Variants in KIF6 observed in about 807,000 individuals in gnomAD.
KIF6 encodes kinesin-like protein KIF6.
KIF6 carries 106 observed loss-of-function variants against 112.7 expected under a neutral mutation model. The ratio of observed to expected loss-of-function variants is 0.94; its 90% CI spans 0.80 to 1.11. The LOEUF (loss-of-function observed/expected upper bound fraction) is 1.11, where lower values mean the gene tolerates loss of function less well. Ranked by LOEUF, KIF6 falls within the 50% of genes least tolerant of loss-of-function variation. KIF6 has a pLI of 0.00. For missense variants in KIF6, 929 were observed against 964.0 expected (o/e 0.96, Z 0.48); for synonymous variants, 339 against 339.9 (o/e 1.00, Z 0.03).
intron 10 of KIF6, among the ~76,000 whole-genome samples, chr6:39,546,608 T>C (rs1779080517): frequency 6.6e-6 from 1 of 152,110 alleles, no homozygotes; most frequent in Non-Finnish European, 1.5e-5. Context: ...GGCGGATCAC[T>C]TGAGGTCAGG....
intron 8 of KIF6, 97 bp from the exon 9 acceptor site, chr6:39,585,081 C>T: frequency 1.4e-6 from 1 of 732,008 alleles, no homozygotes; most frequent in Non-Finnish European, 2.4e-6. Context: ...AAGATACACA[C>T]CTAAAAAGTG....
At chr6:39,443,525 C>T (rs191911878) in intron 13 of KIF6, among the ~76,000 whole-genome samples, 75 of 152,174 alleles carry the variant, frequency 4.9e-4, no homozygotes, top group Non-Finnish European at 9.4e-4. Flanking sequence ...CTCACTGCAA[C>T]CTTTGCTTCC....
intron 10 of KIF6, among the ~76,000 whole-genome samples, chr6:39,569,999 C>T (rs978605034): frequency 2.6e-5 from 4 of 152,166 alleles, no homozygotes; most frequent in Non-Finnish European, 5.9e-5. Context: ...AAGACTCTTC[C>T]TTTAGGCATA....
chr6:39,585,328 T>G (rs189642109), intron 8 of KIF6, among the ~76,000 whole-genome samples: 1 of 152,108 alleles, frequency 6.6e-6, no homozygotes, highest in Non-Finnish European at 1.5e-5. Flanking sequence ...CAGTTCACAA[T>G]TGGGTTCACG....
chr6:39,336,602 T>C (rs1246139088), intron 22 of KIF6, 54 bp from the exon 23 acceptor site: 1 of 1,578,120 alleles, frequency 6.3e-7, no homozygotes, highest in Non-Finnish European at 8.7e-7. Flanking sequence ...ACACTGACTT[T>C]TCCCAGGATT....
In KIF6 at chr6:39,586,449, T is replaced by C. The variant is rs755501848; in HGVS notation, c.847-45A>G. ...TAATGGGATTAATTTAGCAAGAAAA[T>C]GCACTCCTGACAAACAACAGAGCTT... On this transcript the variant is annotated intron_variant, in intron 7 of 22. Coordinates refer to ENST00000287152, the MANE Select transcript of KIF6 (RefSeq NM_145027.6). The C allele has an allele frequency of 2.0e-6, 3 of 1,525,098 alleles. No homozygotes were observed. The African/African-American group carries it at 4.1e-5, about 21-fold the overall frequency. The allele number at this position is 1,525,098 out of a possible 1,614,324, so 94.5% of individuals were successfully genotyped here.
intron 7 of KIF6, 56 bp downstream of exon 7, chr6:39,595,998 T>C: frequency 7.5e-7 from 1 of 1,334,884 alleles, no homozygotes; most frequent in Non-Finnish European, 1.1e-6. Flanking sequence ...ATACATAGTA[T>C]GTGGTCAACA....
intron 7 of KIF6, among the ~76,000 whole-genome samples, chr6:39,592,442 G>A (rs1372263671): frequency 6.6e-6 from 1 of 152,160 alleles, no homozygotes; most frequent in African/African-American, 2.4e-5. Flanking sequence ...AACACATTCA[G>A]TTGGAAACTA....
intron 5 of KIF6, chr6:39,620,236 C>T (rs970062043): frequency 6.6e-6 from 1 of 152,194 alleles, no homozygotes; most frequent in Non-Finnish European, 1.5e-5. Context: ...AGTAATTATA[C>T]AGCCGTGCAC....
intron 13 of KIF6, among the ~76,000 whole-genome samples, chr6:39,518,391 G>T (rs936988884): frequency 6.6e-6 from 1 of 152,216 alleles, no homozygotes; most frequent in Non-Finnish European, 1.5e-5. Context: ...TCTGAGTTAA[G>T]TGATGAGAAC....
At chr6:39,526,808 T>C (rs1037622646) in intron 13 of KIF6, among the ~76,000 whole-genome samples, 1 of 152,256 alleles carries the variant, frequency 6.6e-6, no homozygotes, top group East Asian at 1.9e-4. Context: ...TTACTGATTG[T>C]TTCTTTAATT....
At chr6:39,596,541 T>C (rs148509013) in intron 6 of KIF6, among the ~76,000 whole-genome samples, 62 of 152,330 alleles carry the variant, frequency 4.1e-4, no homozygotes, top group Middle Eastern at 3.4e-3. Flanking sequence ...TTTATTTCAT[T>C]ACCTGTCTAT....
intron 15 of KIF6, among the ~76,000 whole-genome samples, chr6:39,391,978 C>T (rs1432104652): frequency 6.6e-6 from 1 of 151,956 alleles, no homozygotes; most frequent in Non-Finnish European, 1.5e-5. Context: ...TGTGTGTATA[C>T]ATGTATTTTG....
chr6:39,513,263 T>A (rs1776883773), intron 13 of KIF6, among the ~76,000 whole-genome samples: 2 of 152,182 alleles, frequency 1.3e-5, no homozygotes, highest in Admixed American at 1.3e-4. Context: ...GGCATCTGCA[T>A]CAGCTTCCTC....
intron 13 of KIF6, among the ~76,000 whole-genome samples, chr6:39,522,211 A>G (rs1777438932): frequency 6.6e-6 from 1 of 152,210 alleles, no homozygotes; most frequent in South Asian, 2.1e-4. Context: ...GGCCAGAGAC[A>G]GTGTTGGCCT....
chr6:39,454,544 A>G (rs911896489), intron 13 of KIF6, among the ~76,000 whole-genome samples: 10 of 151,856 alleles, frequency 6.6e-5, no homozygotes, highest in African/African-American at 2.2e-4. Context: ...AAAAAAAAAA[A>G]AAAAAAAAGA....
chr6:39,672,707 C>T (rs563107271), intron 3 of KIF6, among the ~76,000 whole-genome samples: 2 of 152,242 alleles, frequency 1.3e-5, no homozygotes, highest in South Asian at 2.1e-4. Flanking sequence ...CTTGCTGCAT[C>T]CTCACATGAA....
chr6:39,584,427 A>C lies in KIF6; in HGVS notation c.1077+471T>G, dbSNP rs1427456852. 6.7e-4 allele frequency among the ~76,000 whole-genome samples: 59 copies of C among 87,858 alleles called. 2 individuals are homozygous for C. The highest frequency in any genetic ancestry group is 3.4e-3 in the African/African-American group (39 of 11,344). 57.6% of individuals were successfully genotyped at this position (87,858 alleles called of 152,430 possible). On this transcript the variant is annotated intron_variant, in intron 9 of 22. Coordinates refer to ENST00000287152, the MANE Select transcript of KIF6 (RefSeq NM_145027.6). ...GCAAGACTCTGTCTCTAAAAAAAAA[A>C]AAAAAAAAAAAAAAAAAAAAAAAAA...
chr6:39,594,022 G>A lies in KIF6; in HGVS notation c.846+2032C>T, dbSNP rs573384782. ...ACACTAGGCTCCAGTGCCTAGCACA[G>A]CCCTCAGCACATGGTAGGTCATTAT... On this transcript the variant is annotated intron_variant, in intron 7 of 22. Coordinates refer to ENST00000287152, the MANE Select transcript of KIF6 (RefSeq NM_145027.6). Among the ~76,000 whole-genome samples the A allele has an allele frequency of 6.9e-4, 105 of 152,276 alleles. 5 individuals are homozygous for A. The South Asian group carries it at 0.021, about 30-fold the overall frequency.
Sources: allele counts gnomAD v4.1 joint callset (sites outside exome capture counted in the v4.1 genomes callset), GRCh38; gene constraint gnomAD v4.1.1; transcripts MANE v1.5; gene names NCBI Gene and HGNC (gene_info 2026-07-23, HGNC 2026-07-21).